The following PCED1B variants were observed in gnomAD, a reference collection of about 807,000 sequenced individuals.
PCED1B encodes the protein PC-esterase domain containing 1B, also known as PC-esterase domain-containing protein 1B.
For synonymous variants in PCED1B, 251 were observed against 246.1 expected (o/e 1.02, Z -0.19); for missense variants, 573 against 573.9 (o/e 1.00, Z 0.02).
chr12:47,080,608 A>G (rs1937650755), intron 1 of PCED1B, among the ~76,000 whole-genome samples: 1 of 152,098 alleles, frequency 6.6e-6, no homozygotes, highest in African/African-American at 2.4e-5. Flanking sequence ...GGAAAGTTCT[A>G]TCCCTTTCCT....
intron 3 of PCED1B, among the ~76,000 whole-genome samples, chr12:47,222,683 A>G (rs928919834): frequency 2.0e-5 from 3 of 152,150 alleles, no homozygotes; most frequent in Non-Finnish European, 2.9e-5. Flanking sequence ...CTGCAGTAAT[A>G]TTGTTCCCAT....
At chr12:47,099,895 T>C (rs1938630618) in intron 1 of PCED1B, among the ~76,000 whole-genome samples, 2 of 152,188 alleles carry the variant, frequency 1.3e-5, no homozygotes, top group Admixed American at 1.3e-4. Context: ...ATCCATTCCA[T>C]GCCAGTCATA....
intron 3 of PCED1B, among the ~76,000 whole-genome samples, chr12:47,230,265 T>G (rs546855500): frequency 6.6e-6 from 1 of 151,100 alleles, no homozygotes; most frequent in Non-Finnish European, 1.5e-5. Context: ...TTTGTACTTT[T>G]AGTAGAGACG....
At chr12:47,157,312 G>A (rs1941225657) in intron 2 of PCED1B, among the ~76,000 whole-genome samples, 1 of 152,186 alleles carries the variant, frequency 6.6e-6, no homozygotes, top group South Asian at 2.1e-4. Flanking sequence ...TCTGTGGTTG[G>A]GTGGGATGGC....
chr12:47,180,106 C>A (rs1942047533), intron 2 of PCED1B, among the ~76,000 whole-genome samples: 1 of 152,150 alleles, frequency 6.6e-6, no homozygotes, highest in Admixed American at 6.6e-5. Context: ...TCACACCCCC[C>A]AACAGGCCCC....
intron 3 of PCED1B, among the ~76,000 whole-genome samples, chr12:47,223,213 T>C (rs1419695941): frequency 2.0e-5 from 3 of 151,988 alleles, no homozygotes; most frequent in Non-Finnish European, 4.4e-5. Context: ...GTGTCACAAA[T>C]ACGTGGACTT....
At chr12:47,135,590 C>G (rs1165440739) in intron 2 of PCED1B, 6 of 502,744 alleles carry the variant, frequency 1.2e-5, no homozygotes, top group Non-Finnish European at 2.0e-5. Flanking sequence ...GCAGTGGAGA[C>G]ACAGGCCTGG....
intron 2 of PCED1B, among the ~76,000 whole-genome samples, chr12:47,179,340 A>T (rs1592245054): frequency 1.3e-5 from 2 of 152,236 alleles, no homozygotes; most frequent in Admixed American, 6.5e-5. Flanking sequence ...ATCTGGACAT[A>T]CTAGCTGAGG....
Position 47,150,233 on chromosome 12 carries a change from G to A in PCED1B, c.-526+46038G>A, listed in dbSNP as rs11183758. ...CTGCTCTAGATCAGGGAGTATGACA[G>A]TAAATAAAACAAAGCCCTGGTGGAG... On this transcript the variant is annotated intron_variant, in intron 2 of 3. Coordinates refer to ENST00000546455, the MANE Select transcript of PCED1B (RefSeq NM_138371.3). Among the ~76,000 whole-genome samples, 660 of 152,192 alleles carry A rather than the reference G, an allele frequency of 4.3e-3. 4 individuals carry two copies. Among genetic ancestry groups the A allele is most frequent in the African/African-American group, 0.015 (640 of 41,500 alleles).
At chr12:47,093,168 C>A (rs1006246458) in intron 1 of PCED1B, among the ~76,000 whole-genome samples, 1 of 151,734 alleles carries the variant, frequency 6.6e-6, no homozygotes, top group African/African-American at 2.4e-5. Flanking sequence ...AAAAATACAT[C>A]CTAAATTATT....
chr12:47,199,557 A>G (rs575249547), intron 2 of PCED1B, among the ~76,000 whole-genome samples: 12 of 152,348 alleles, frequency 7.9e-5, no homozygotes, highest in Non-Finnish European at 1.5e-4. Flanking sequence ...TAGAAAAATA[A>G]ACCTATATAA....
chr12:47,084,281 A>G (rs1937877098), intron 1 of PCED1B, among the ~76,000 whole-genome samples: 1 of 152,236 alleles, frequency 6.6e-6, no homozygotes, highest in East Asian at 1.9e-4. Flanking sequence ...ATTGAATACT[A>G]TACTGAAAGT....
chr12:47,204,235 C>T (rs1388247901), intron 2 of PCED1B, among the ~76,000 whole-genome samples: 1 of 152,144 alleles, frequency 6.6e-6, no homozygotes, highest in Non-Finnish European at 1.5e-5. Flanking sequence ...AAGTGTGAGC[C>T]ACCACGCCCA....
At chr12:47,165,066 T>C (rs7135951) in intron 2 of PCED1B, among the ~76,000 whole-genome samples, 106,968 of 152,114 alleles carry the variant, frequency 0.7, 37,838 homozygotes, top group African/African-American at 0.77. Context: ...AGGTACTGCT[T>C]GAGAGTTTTA....
chr12:47,225,761 C>T (rs1490287143), intron 3 of PCED1B, among the ~76,000 whole-genome samples: 1 of 152,152 alleles, frequency 6.6e-6, no homozygotes. Flanking sequence ...AAATTAGTTA[C>T]AAGTACTTCC....
intron 2 of PCED1B, among the ~76,000 whole-genome samples, chr12:47,170,953 A>G (rs954869213): frequency 6.6e-5 from 10 of 151,924 alleles, no homozygotes; most frequent in Non-Finnish European, 1.5e-4. Context: ...GGACTATCAT[A>G]TGAAATCCAC....
chr12:47,224,385 T>C (rs1454658479), intron 3 of PCED1B, among the ~76,000 whole-genome samples: 1 of 152,226 alleles, frequency 6.6e-6, no homozygotes, highest in Non-Finnish European at 1.5e-5. Context: ...TATTAGACTA[T>C]TATTATGGGA....
chr12:47,193,568 T>C (rs535630769), intron 2 of PCED1B, among the ~76,000 whole-genome samples: 1 of 152,214 alleles, frequency 6.6e-6, no homozygotes, highest in African/African-American at 2.4e-5. Flanking sequence ...TTAAAAATTA[T>C]GGATGACTTT....
At chr12:47,115,557 TCTC>T (rs1939381933) in intron 2 of PCED1B, among the ~76,000 whole-genome samples, 1 of 152,090 alleles carries the variant, frequency 6.6e-6, no homozygotes, top group African/African-American at 2.4e-5. Flanking sequence ...TCCTCCCTCT[TCTC>T]CTTCCCCTCA....
Sources: allele counts gnomAD v4.1 joint callset (sites outside exome capture counted in the v4.1 genomes callset), GRCh38; gene constraint gnomAD v4.1.1; transcripts MANE v1.5; gene names NCBI Gene and HGNC (gene_info 2026-07-23, HGNC 2026-07-21).